Variants in DMD observed in about 807,000 individuals in gnomAD.
DMD encodes dystrophin.
In DMD, 63 loss-of-function variants were observed where a neutral mutation model predicts 330.1. The observed-to-expected ratio is 0.19, with a 90% CI of 0.16 to 0.24. The LOEUF is 0.24. Ranked by LOEUF, DMD falls within the 10% of genes least tolerant of loss-of-function variation. DMD has a pLI of 1.00. For missense variants in DMD, 3,344 were observed against 2,684.1 expected (o/e 1.25, Z -5.43); for synonymous variants, 1,223 against 959.8 (o/e 1.27, Z -5.07).
intron 6 of DMD, among the ~76,000 whole-genome samples, chrX:32,813,182 G>A (rs2077494459): frequency 1.8e-5 from 2 of 111,546 alleles, no homozygotes; most frequent in African/African-American, 3.3e-5. Context: ...TTGAGGTCAC[G>A]TCTAGCATTA....
chrX:32,720,862 C>T (rs931242655), intron 7 of DMD, among the ~76,000 whole-genome samples: 2 of 111,577 alleles, frequency 1.8e-5, no homozygotes, highest in Admixed American at 9.6e-5. Context: ...TCCATGTACA[C>T]ATTGACTTAT....
intron 43 of DMD, among the ~76,000 whole-genome samples, chrX:32,285,526 G>A (rs1376683702): frequency 9.0e-6 from 1 of 111,531 alleles, no homozygotes; most frequent in East Asian, 2.8e-4. Context: ...TGACCCTCCT[G>A]CCTCAGCCTC....
At chrX:32,602,405 G>A (rs1484003812) in intron 12 of DMD, among the ~76,000 whole-genome samples, 2 of 111,734 alleles carry the variant, frequency 1.8e-5, no homozygotes, top group African/African-American at 6.5e-5. Flanking sequence ...TGCCTTTACT[G>A]AAAATAATTA....
intron 4 of DMD, among the ~76,000 whole-genome samples, chrX:32,838,190 A>G (rs1226781103): frequency 8.9e-6 from 1 of 111,900 alleles, no homozygotes; most frequent in Non-Finnish European, 1.9e-5. Context: ...ACTTTCTTGA[A>G]TAAAATGACA....
At chrX:32,416,183 A>C (rs1389701336) in intron 29 of DMD, among the ~76,000 whole-genome samples, 1 of 112,377 alleles carries the variant, frequency 8.9e-6, no homozygotes, top group African/African-American at 3.2e-5. Context: ...AATTAGAAAA[A>C]AAATCATTTA....
rs192524534 is a variant in DMD, at chrX:32,507,057, T to G, written c.2293-5215A>C. Among the ~76,000 whole-genome samples the G allele has an allele frequency of 2.7e-5, 3 of 111,955 alleles. No individual in the cohort carries two copies. The East Asian group carries it at 8.4e-4, about 31-fold the overall frequency. On this transcript the variant is annotated intron_variant, in intron 18 of 78. Transcript: ENST00000357033. Reference sequence around the variant, plus strand: ...TTTATTCTCCATTAAAAGGTAAATGTTATATGGAAAGCACCCTGAGCATCT... The same window carrying G: ...TTTATTCTCCATTAAAAGGTAAATGGTATATGGAAAGCACCCTGAGCATCT...
At chrX:32,423,774 T>C (rs1362698799) in intron 29 of DMD, among the ~76,000 whole-genome samples, 1 of 110,782 alleles carries the variant, frequency 9.0e-6, no homozygotes, top group African/African-American at 3.3e-5. Flanking sequence ...GTGAAGGCTA[T>C]GTACTCTTTC....
rs755090514 is a variant in DMD, at chrX:32,585,516, A to G, written c.1602+10241T>C. Among the ~76,000 whole-genome samples, 20 of 108,350 alleles carry G rather than the reference A, an allele frequency of 1.8e-4. No homozygotes were observed. The South Asian group carries it at 7.4e-3, about 40-fold the overall frequency. The allele number at this position is 108,350 out of a possible 115,157, so 94.1% of individuals were successfully genotyped here. Reference sequence around the variant, plus strand: ...GGAGATCAAGACCAACCTGGCTAACACAGTGAAACCCATCTCTACAGAAAA... The same window carrying G: ...GGAGATCAAGACCAACCTGGCTAACGCAGTGAAACCCATCTCTACAGAAAA... On this transcript the variant is annotated intron_variant, in intron 13 of 78. Coordinates refer to ENST00000357033, the MANE Select transcript of DMD (RefSeq NM_004006.3).
intron 55 of DMD, among the ~76,000 whole-genome samples, chrX:31,583,863 T>C (rs1052915197): frequency 1.9e-5 from 2 of 106,873 alleles, no homozygotes; most frequent in African/African-American, 6.8e-5. Flanking sequence ...ACCCAGTAAC[T>C]CGTCAGTTAA....
intron 52 of DMD, among the ~76,000 whole-genome samples, chrX:31,711,720 A>C (rs1411199729): frequency 1.8e-5 from 2 of 111,242 alleles, no homozygotes; most frequent in African/African-American, 3.3e-5. Context: ...GAAGACCCTG[A>C]AAAAGAGCCT....
At chrX:32,360,044 C>A (rs2097825354) in intron 37 of DMD, among the ~76,000 whole-genome samples, 1 of 111,042 alleles carries the variant, frequency 9.0e-6, no homozygotes, top group South Asian at 3.8e-4. Flanking sequence ...AAAAGTTAGG[C>A]CTAAATCTCA....
intron 44 of DMD, among the ~76,000 whole-genome samples, chrX:32,155,774 C>T (rs1046679758): frequency 3.6e-5 from 4 of 111,430 alleles, no homozygotes; most frequent in African/African-American, 1.3e-4. Flanking sequence ...TGGTCTGTTT[C>T]GAAATTGCAG....
chrX:33,198,946 C>T (rs1375111849), intron 1 of DMD, among the ~76,000 whole-genome samples: 3 of 106,523 alleles, frequency 2.8e-5, no homozygotes, highest in African/African-American at 1.0e-4. Context: ...CACAAAAGTA[C>T]TGTAGATAAA....
chrX:32,394,916 C>CAAAACAAAAAAA (rs2098030291), intron 30 of DMD, among the ~76,000 whole-genome samples: 5 of 39,034 alleles, frequency 1.3e-4, no homozygotes, highest in Non-Finnish European at 2.0e-4. Context: ...AACAAAAAAA[C>CAAAACAAAAAAA]AAAAAAAAAA....
chrX:31,917,707 A>G (rs192060752), intron 47 of DMD, among the ~76,000 whole-genome samples: 108 of 112,518 alleles, frequency 9.6e-4, no homozygotes, highest in African/African-American at 3.2e-3. Context: ...TTTCACAGTA[A>G]TTTATATTAA....
intron 62 of DMD, among the ~76,000 whole-genome samples, chrX:31,266,201 T>TCCC (rs1491264822): frequency 8.5e-5 from 4 of 46,804 alleles, no homozygotes; most frequent in African/African-American, 4.6e-4. Flanking sequence ...CAAACAAAAA[T>TCCC]CCCCACCCCC....
intron 11 of DMD, chrX:32,641,408 G>A (rs866483023): frequency 0.014 from 1,298 of 94,806 alleles, 28 homozygotes; most frequent in African/African-American, 0.055. Flanking sequence ...TATTTTATAC[G>A]TATATATATA....
chrX:32,969,240 T>C (rs1293942477), intron 2 of DMD, among the ~76,000 whole-genome samples: 1 of 92,101 alleles, frequency 1.1e-5, no homozygotes, highest in African/African-American at 4.9e-5. Flanking sequence ...TATCTATATG[T>C]ATATAGCCAC....
Position 33,297,390 on chromosome X carries a change from T to A in DMD, c.7+41869A>T, listed in dbSNP as rs1339149384. Among the ~76,000 whole-genome samples, 3 of 110,773 alleles carry A rather than the reference T, an allele frequency of 2.7e-5. No individual in the cohort carries two copies. In the Admixed American group the frequency reaches 2.9e-4, roughly 11 times the overall value. On this transcript the variant is annotated intron_variant, in intron 1 of 17. Transcript: ENST00000288447. ...AACCCTCATGCACTGTTTGTGGGAA[T>A]GTAAATTGGTACAGCCATTACAAAA...
Sources: allele counts gnomAD v4.1 joint callset (sites outside exome capture counted in the v4.1 genomes callset), GRCh38; gene constraint gnomAD v4.1.1; transcripts MANE v1.5; gene names NCBI Gene and HGNC (gene_info 2026-07-23, HGNC 2026-07-21).